The following PCOLCE2 variants were observed in gnomAD, a reference collection of about 807,000 sequenced individuals.
PCOLCE2 encodes procollagen C-endopeptidase enhancer 2, also known as procollagen C-proteinase enhancer 2.
PCOLCE2 carries 42 observed loss-of-function variants against 47.0 expected under a neutral mutation model. That is an observed-to-expected ratio of 0.89 (90% CI 0.70 to 1.16). PCOLCE2 has a LOEUF of 1.16. Ranked by LOEUF, PCOLCE2 falls within the 50% of genes most tolerant of loss-of-function variation. PCOLCE2 has a pLI of 0.00. For synonymous variants in PCOLCE2, 169 were observed against 191.7 expected (o/e 0.88, Z 0.98); for missense variants, 500 against 526.1 (o/e 0.95, Z 0.49).
chr3:142,859,634 C>T (rs111741944), intron 2 of PCOLCE2, among the ~76,000 whole-genome samples: 28 of 151,012 alleles, frequency 1.9e-4, no homozygotes, highest in Admixed American at 4.6e-4. Flanking sequence ...GGCGTGATAT[C>T]GGCTCACTGC....
intron 3 of PCOLCE2, 104 bp from the exon 4 acceptor site, chr3:142,843,152 A>C: frequency 8.8e-7 from 1 of 1,139,362 alleles, no homozygotes; most frequent in Non-Finnish European, 1.3e-6. Context: ...GAGTACAGTA[A>C]ATAAAGGCAA....
At chr3:142,878,191 G>A (rs1933537150) in intron 2 of PCOLCE2, among the ~76,000 whole-genome samples, 1 of 152,124 alleles carries the variant, frequency 6.6e-6, no homozygotes, top group South Asian at 2.1e-4. Context: ...GCTTGGGGGT[G>A]AGGTGGTAAA....
Position 142,859,764 on chromosome 3 carries a change from A to AC in PCOLCE2, c.193-11293dup, listed in dbSNP as rs536397420. ...GTATTTTTAGTAGAAACAGGGTTTCACCATGTTGGCCAGGGTGCTCTGATC... is the reference window on the plus strand; with the variant it reads ...GTATTTTTAGTAGAAACAGGGTTTCACCCATGTTGGCCAGGGTGCTCTGATC... On this transcript the variant is annotated intron_variant, in intron 2 of 8. Coordinates refer to ENST00000295992, the MANE Select transcript of PCOLCE2 (RefSeq NM_013363.4). Among the ~76,000 whole-genome samples the AC allele has an allele frequency of 3.3e-3, 495 of 152,232 alleles. 5 individuals carry two copies. Among genetic ancestry groups the AC allele is most frequent in the Non-Finnish European group, 1.6e-3 (110 of 68,016 alleles).
chr3:142,829,893 C>A, intron 5 of PCOLCE2, 47 bp from the exon 6 acceptor site: 2 of 1,157,806 alleles, frequency 1.7e-6, no homozygotes, highest in South Asian at 1.6e-5. Flanking sequence ...AAAAGTGGTG[C>A]CTCTCTGAAA....
chr3:142,828,649 T>C (rs1327405363), intron 6 of PCOLCE2, among the ~76,000 whole-genome samples: 1 of 152,110 alleles, frequency 6.6e-6, no homozygotes, highest in East Asian at 1.9e-4. Context: ...TAAAAACAAG[T>C]TTGTATATGC....
chr3:142,876,874 G>A (rs1186011685), intron 2 of PCOLCE2, among the ~76,000 whole-genome samples: 2 of 152,136 alleles, frequency 1.3e-5, no homozygotes, highest in African/African-American at 2.4e-5. Context: ...TCAATGCTGG[G>A]GGATGCCAGA....
intron 2 of PCOLCE2, among the ~76,000 whole-genome samples, chr3:142,881,122 C>G (rs995045543): frequency 6.6e-5 from 10 of 152,110 alleles, no homozygotes; most frequent in African/African-American, 2.4e-4. Context: ...CTTTCTACCC[C>G]CACAGTCCAG....
At chr3:142,827,222 T>TG in intron 6 of PCOLCE2, 1 of 1,229,326 alleles carries the variant, frequency 8.1e-7, no homozygotes, top group Non-Finnish European at 1.2e-6. Flanking sequence ...GATGTGCTGG[T>TG]GGTTGCCACC....
chr3:142,876,750 T>C (rs1933505005), intron 2 of PCOLCE2, among the ~76,000 whole-genome samples: 1 of 152,200 alleles, frequency 6.6e-6, no homozygotes, highest in Non-Finnish European at 1.5e-5. Flanking sequence ...ATGGCTATGT[T>C]GGGCATCCTC....
intron 2 of PCOLCE2, among the ~76,000 whole-genome samples, chr3:142,855,664 G>GTCCT (rs1933047382): frequency 1.3e-5 from 2 of 152,164 alleles, no homozygotes; most frequent in African/African-American, 4.8e-5. Flanking sequence ...ATGAGTCTGG[G>GTCCT]TCCTGGTCAA....
chr3:142,821,128 G>T, intron 7 of PCOLCE2, 83 bp from the exon 8 acceptor site: 1 of 1,061,718 alleles, frequency 9.4e-7, no homozygotes, highest in Non-Finnish European at 1.4e-6. Flanking sequence ...ATTCTTCTAA[G>T]TTTCAGATAC....
chr3:142,829,675 C>A lies in PCOLCE2; in HGVS notation c.865+17G>T. ...CTCCTAAAGTTTTTGCACAAACTTC[C>A]AAACAGGAAAACTTACCCGTGGTTA... On this transcript the variant is annotated intron_variant, in intron 6 of 8. Transcript: ENST00000295992. 1 of 1,545,332 alleles carries A rather than the reference C, an allele frequency of 6.5e-7. No individual in the cohort carries two copies. Among genetic ancestry groups the A allele is most frequent in the Non-Finnish European group, 8.7e-7 (1 of 1,147,184 alleles).
chr3:142,830,783 T>A (rs936263619), intron 5 of PCOLCE2, among the ~76,000 whole-genome samples: 20 of 152,348 alleles, frequency 1.3e-4, no homozygotes, highest in African/African-American at 4.8e-4. Context: ...TTAATTCTGT[T>A]TAAAAACTAA....
At position 142,823,680 on chromosome 3, in the gene PCOLCE2, G is replaced by C. The variant is rs1480851147; in HGVS notation, c.866-65C>G. ...TCAAGCATAATTGGTCTTTAGTTCT[G>C]AATCTACCCATTTAAAATTATCATT... On this transcript the variant is annotated intron_variant, in intron 6 of 8. Transcript: ENST00000295992. The C allele has an allele frequency of 8.1e-6, 7 of 866,772 alleles. No homozygotes were observed. The African/African-American group carries it at 8.4e-5, about 10-fold the overall frequency. 53.7% of individuals were successfully genotyped at this position (866,772 alleles called of 1,614,324 possible).
At chr3:142,857,901 A>AC (rs1214968529) in intron 2 of PCOLCE2, among the ~76,000 whole-genome samples, 7 of 152,032 alleles carry the variant, frequency 4.6e-5, no homozygotes, top group East Asian at 1.9e-4. Context: ...GGCCTCATCT[A>AC]CCCCCCAGCC....
chr3:142,867,366 AAGTAGTAACTGCAAG>A (rs1933306678), intron 2 of PCOLCE2, among the ~76,000 whole-genome samples: 1 of 152,222 alleles, frequency 6.6e-6, no homozygotes, highest in African/African-American at 2.4e-5. Flanking sequence ...GGTAGCAAGA[AAGTAGTAACTGCAAG>A]AGTTAAAAAC....
At chr3:142,844,585 A>G (rs1937303438) in intron 3 of PCOLCE2, among the ~76,000 whole-genome samples, 1 of 152,174 alleles carries the variant, frequency 6.6e-6, no homozygotes, top group Non-Finnish European at 1.5e-5. Context: ...TCTAGCCAAC[A>G]TGGTGGGTAA....
In PCOLCE2 at chr3:142,857,905, C is replaced by G. The variant is rs534199452; in HGVS notation, c.193-9433G>C. Reference sequence around the variant, plus strand: ...GCTAACATTCTGGCCTCATCTACCCCCCAGCCATTTGTGTCTTGGGTATCA... The same window carrying G: ...GCTAACATTCTGGCCTCATCTACCCGCCAGCCATTTGTGTCTTGGGTATCA... On this transcript the variant is annotated intron_variant, in intron 2 of 8. Coordinates refer to ENST00000295992, the MANE Select transcript of PCOLCE2 (RefSeq NM_013363.4). 1.1e-4 allele frequency among the ~76,000 whole-genome samples: 17 copies of G among 152,320 alleles called. No individual in the cohort carries two copies. In the South Asian group the frequency reaches 3.1e-3, roughly 28 times the overall value.
intron 6 of PCOLCE2, among the ~76,000 whole-genome samples, chr3:142,825,917 C>T (rs192702627): frequency 6.6e-6 from 1 of 152,194 alleles, no homozygotes; most frequent in Admixed American, 6.5e-5. Flanking sequence ...GCCTACTCTC[C>T]AATTTCTACA....
Sources: gnomAD v4.1 joint callset for allele counts (sites outside exome capture counted in the v4.1 genomes callset) on GRCh38, gnomAD v4.1.1 for gene constraint, MANE v1.5 for transcripts, NCBI Gene and HGNC (gene_info 2026-07-23, HGNC 2026-07-21) for gene names.